BTBD9: variants seen among roughly 807,000 people sequenced by gnomAD.
The protein encoded by BTBD9 is BTB domain containing 9.
A neutral mutation model predicts 64.3 loss-of-function variants in BTBD9; 49 were observed. The observed-to-expected ratio is 0.76, with a 90% CI of 0.61 to 0.97. The LOEUF is 0.97. BTBD9 is among the 50% of genes least tolerant of loss of function. BTBD9 has a pLI of 0.00. For synonymous variants in BTBD9, 260 were observed against 274.7 expected, an observed-to-expected ratio of 0.95 and a Z score of 0.53; for missense variants, 598 against 762.1, an observed-to-expected ratio of 0.78 and a Z score of 2.53.
At chr6:38,195,008 A>T (rs1762227617) in intron 9 of BTBD9, among the ~76,000 whole-genome samples, 1 of 152,248 alleles carries the variant, frequency 6.6e-6, no homozygotes, top group Non-Finnish European at 1.5e-5. Context: ...AGAGTTGAAT[A>T]TATGATTTCA....
intron 6 of BTBD9, chr6:38,504,397 C>T (rs1295771868): frequency 2.8e-6 from 1 of 357,044 alleles, no homozygotes; most frequent in Non-Finnish European, 5.6e-6. Flanking sequence ...TACCACTACC[C>T]AAACTACAAA....
intron 6 of BTBD9, among the ~76,000 whole-genome samples, chr6:38,429,348 G>A (rs1349418066): frequency 6.0e-5 from 9 of 151,060 alleles, no homozygotes; most frequent in Non-Finnish European, 1.0e-4. Context: ...CCAGCTACTC[G>A]GGAGGCTGAG....
intron 9 of BTBD9, among the ~76,000 whole-genome samples, chr6:38,224,985 C>A (rs1387667393): frequency 6.6e-6 from 1 of 152,184 alleles, no homozygotes; most frequent in Non-Finnish European, 1.5e-5. Context: ...AGGTAACTAA[C>A]TTCTGATGGA....
At chr6:38,450,727 T>C (rs1769499695) in intron 6 of BTBD9, among the ~76,000 whole-genome samples, 2 of 152,100 alleles carry the variant, frequency 1.3e-5, no homozygotes, top group Non-Finnish European at 1.5e-5. Flanking sequence ...TATAAAAAAA[T>C]GTAAATTTAG....
chr6:38,216,839 G>A (rs763079410), intron 9 of BTBD9, among the ~76,000 whole-genome samples: 1 of 152,262 alleles, frequency 6.6e-6, no homozygotes, highest in Non-Finnish European at 1.5e-5. Context: ...ATTCTGATGC[G>A]CTATTCCAAG....
intron 8 of BTBD9, among the ~76,000 whole-genome samples, chr6:38,277,394 C>T (rs920590606): frequency 4.0e-5 from 6 of 151,176 alleles, no homozygotes; most frequent in Admixed American, 6.6e-5. Flanking sequence ...AGTGCAGGGG[C>T]GTGATCTCGG....
In BTBD9 at chr6:38,593,944, C is replaced by T; in HGVS notation, c.549+20G>A. On this transcript the variant is annotated intron_variant, in intron 3 of 10. Coordinates refer to ENST00000481247, the MANE Select transcript of BTBD9 (RefSeq NM_001099272.2). ...TAAAACAATGCATGCCTATAAATTA[C>T]TTGTAGACAAATGACACACCTTAGA... The T allele has an allele frequency of 6.3e-7, 1 of 1,590,798 alleles. No homozygotes were observed. The highest frequency in any genetic ancestry group is 1.1e-5 in the South Asian group (1 of 87,342).
chr6:38,381,038 A>G (rs1765910720), intron 6 of BTBD9, among the ~76,000 whole-genome samples: 1 of 152,182 alleles, frequency 6.6e-6, no homozygotes, highest in African/African-American at 2.4e-5. Flanking sequence ...CAACAATACA[A>G]AAGTAAACAT....
intron 1 of BTBD9, among the ~76,000 whole-genome samples, chr6:38,621,951 T>C (rs957714569): frequency 1.3e-5 from 2 of 152,174 alleles, no homozygotes; most frequent in African/African-American, 4.8e-5. Context: ...CAAAACAGAA[T>C]GGGGACTTTC....
At chr6:38,258,386 T>G (rs948588514) in intron 8 of BTBD9, among the ~76,000 whole-genome samples, 18 of 152,182 alleles carry the variant, frequency 1.2e-4, no homozygotes, top group Non-Finnish European at 4.4e-5. Context: ...TTGTATTATT[T>G]CAACCTTAAA....
At chr6:38,509,820 A>G (rs1772700554) in intron 6 of BTBD9, among the ~76,000 whole-genome samples, 1 of 152,126 alleles carries the variant, frequency 6.6e-6, no homozygotes, top group Admixed American at 6.5e-5. Flanking sequence ...ATAAATAAAC[A>G]CAGTTCTGAA....
chr6:38,629,873 T>C (rs1778303422), intron 1 of BTBD9, among the ~76,000 whole-genome samples: 2 of 151,416 alleles, frequency 1.3e-5, no homozygotes, highest in Admixed American at 6.6e-5. Context: ...CCTTATATAA[T>C]GTCAGTGTTA....
At chr6:38,350,172 C>G (rs1764446884) in intron 6 of BTBD9, among the ~76,000 whole-genome samples, 1 of 152,130 alleles carries the variant, frequency 6.6e-6, no homozygotes, top group African/African-American at 2.4e-5. Context: ...AATTTCTTTA[C>G]AGAGAGACAG....
intron 6 of BTBD9, among the ~76,000 whole-genome samples, chr6:38,357,258 T>A (rs1764762216): frequency 6.6e-6 from 1 of 152,220 alleles, no homozygotes; most frequent in Non-Finnish European, 1.5e-5. Flanking sequence ...AGGTACCTGG[T>A]GCCTTTAATT....
chr6:38,399,164 T>G (rs1766818489), intron 6 of BTBD9, among the ~76,000 whole-genome samples: 1 of 152,136 alleles, frequency 6.6e-6, no homozygotes, highest in Non-Finnish European at 1.5e-5. Context: ...ATTAAATCCA[T>G]TATAAAAAGC....
At position 38,518,965 on chromosome 6, in the gene BTBD9, C is replaced by A. The variant is rs141474638; in HGVS notation, c.1154+58635G>T. Among the ~76,000 whole-genome samples the A allele has an allele frequency of 5.6e-3, 849 of 152,154 alleles. 6 individuals are homozygous for A. Among genetic ancestry groups the A allele is most frequent in the African/African-American group, 0.02 (811 of 41,510 alleles). On this transcript the variant is annotated intron_variant, in intron 6 of 10. Transcript: ENST00000481247. ...AGAAAAAATAAAGGAGCACAGGTAC[C>A]CAGAGTAAAGAAATCATCAGTGAAG...
At chr6:38,375,953 A>G (rs1031917009) in intron 6 of BTBD9, among the ~76,000 whole-genome samples, 1 of 148,940 alleles carries the variant, frequency 6.7e-6, no homozygotes, top group Admixed American at 6.7e-5. Context: ...GAAAGAAGGA[A>G]AGAAAGAAAG....
At chr6:38,355,393 G>A (rs573677098) in intron 6 of BTBD9, among the ~76,000 whole-genome samples, 68 of 152,274 alleles carry the variant, frequency 4.5e-4, no homozygotes, top group South Asian at 3.5e-3. Flanking sequence ...CAAGCAGGTT[G>A]GGAGGGGGAG....
intron 7 of BTBD9, among the ~76,000 whole-genome samples, chr6:38,294,349 C>A (rs554113546): frequency 6.6e-6 from 1 of 152,170 alleles, no homozygotes; most frequent in African/African-American, 2.4e-5. Flanking sequence ...AATCATGCTG[C>A]TATAAAGAGA....
Sources: gnomAD v4.1 joint callset for allele counts (sites outside exome capture counted in the v4.1 genomes callset) on GRCh38, gnomAD v4.1.1 for gene constraint, MANE v1.5 for transcripts, NCBI Gene and HGNC (gene_info 2026-07-23, HGNC 2026-07-21) for gene names.